The following GALR1 variants were observed in gnomAD, a reference collection of about 807,000 sequenced individuals.
GALR1 encodes galanin receptor type 1.
Under a neutral mutation model 17.9 loss-of-function variants are expected in GALR1, and 11 were observed. The observed-to-expected ratio is 0.62, with a 90% confidence interval of 0.39 to 1.02. The LOEUF (loss-of-function observed/expected upper bound fraction) is 1.02. Among genes scored for constraint, GALR1 ranks in the 50% least tolerant of loss-of-function variants. GALR1 has a pLI of 0.01. For synonymous variants in GALR1, 206 were observed against 205.7 expected, an observed-to-expected ratio of 1.00 and a Z score of -0.01; for missense variants, 441 against 456.9, an observed-to-expected ratio of 0.97 and a Z score of 0.32.
rs1348081132 is a variant in GALR1, at chr18:77,268,796, A to G, written c.944A>G (p.Lys315Arg). 2 of 1,613,922 alleles carry G rather than the reference A, an allele frequency of 1.2e-6. No homozygotes were observed. The highest frequency in any genetic ancestry group is 1.7e-5 in the Admixed American group (1 of 60,006). Residue 315 changes from lysine (K) to arginine (R), a missense_variant, in exon 3 of 3, where the codon AAA (lysine) becomes AGA (arginine). Transcript: ENST00000299727. ...TCTGAAAATTTCAGGAAGGCCTATA[A>G]ACAAGTGTTCAAGTGTCACATTCGC... is the stretch of plus-strand genomic sequence containing the variant. ...FLSENFRKAY[K>R]QVFKCHIRKD...
chr18:77,259,570 C>A (rs1218431628), intron 2 of GALR1, among the ~76,000 whole-genome samples: 1 of 118,500 alleles, frequency 8.4e-6, no homozygotes, highest in Non-Finnish European at 1.7e-5. Flanking sequence ...TGATGGTGGT[C>A]ATGGCAGTGA....
At chr18:77,259,317 A>C in intron 2 of GALR1, among the ~76,000 whole-genome samples, 2 of 105,200 alleles carry the variant, frequency 1.9e-5, no homozygotes, top group African/African-American at 3.6e-5. Context: ...GGTGGTGATG[A>C]TGGTGGTCAT....
In GALR1 at chr18:77,269,775, G is replaced by A. The variant is rs1362724812; in HGVS notation, c.*873G>A. On this transcript the variant is annotated 3_prime_UTR_variant, in exon 3 of 3. Transcript: ENST00000299727. ...AAAAGAGAGATGAAAAAAAATCAGC[G>A]AGGTTGATGTAGATAATAATTTCTA... The A allele has an allele frequency of 2.6e-5, 4 of 152,266 alleles. No homozygotes were observed. Among genetic ancestry groups the A allele is most frequent in the East Asian group, 3.9e-4 (2 of 5,186 alleles). 9.4% of individuals were successfully genotyped at this position (152,266 alleles called of 1,614,324 possible).
intron 1 of GALR1, 123 bp downstream of exon 1, chr18:77,251,337 A>T: frequency 2.1e-6 from 3 of 1,397,404 alleles, no homozygotes; most frequent in Non-Finnish European, 2.8e-6. Context: ...GGTGGTCCCC[A>T]CTCTGGCGGC....
chr18:77,265,526 C>A (rs1262294647), intron 2 of GALR1, among the ~76,000 whole-genome samples: 1 of 152,212 alleles, frequency 6.6e-6, no homozygotes, highest in Non-Finnish European at 1.5e-5. Context: ...TCTCACAGAT[C>A]CACTAGGTAA....
intron 2 of GALR1, among the ~76,000 whole-genome samples, chr18:77,267,618 T>C (rs891097136): frequency 6.6e-6 from 1 of 152,236 alleles, no homozygotes; most frequent in Non-Finnish European, 1.5e-5. Context: ...ACCAACTGAT[T>C]GGTTTGTATT....
intron 2 of GALR1, among the ~76,000 whole-genome samples, chr18:77,259,908 G>C (rs1395011635): frequency 6.6e-6 from 1 of 151,998 alleles, no homozygotes; most frequent in Non-Finnish European, 1.5e-5. Context: ...CTGAAGACAG[G>C]AACTGGGTTG....
intron 1 of GALR1, 84 bp downstream of exon 1, chr18:77,251,298 T>C: frequency 6.6e-7 from 1 of 1,506,254 alleles, no homozygotes. Flanking sequence ...CCCGCGGCCC[T>C]GCCGGAGCCT....
At chr18:77,258,722 A>ATGGTGGTGCTGGTGATGG (rs1912681249) in intron 2 of GALR1, among the ~76,000 whole-genome samples, 1 of 13,492 alleles carries the variant, frequency 7.4e-5, no homozygotes, top group Admixed American at 9.7e-4. Flanking sequence ...GGTGCTGGTG[A>ATGGTGGTGCTGGTGATGG]TGGTGGTGAT....
Position 77,249,980 on chromosome 18 carries a change from G to T in GALR1, c.-569G>T, listed in dbSNP as rs1192160030. 6.6e-6 allele frequency among the ~76,000 whole-genome samples: 1 copy of T among 152,228 alleles called. No homozygotes were observed. Among genetic ancestry groups the T allele is most frequent in the Non-Finnish European group, 1.5e-5 (1 of 68,042 alleles). On this transcript the variant is annotated 5_prime_UTR_variant, in exon 1 of 3. Coordinates refer to ENST00000299727, the MANE Select transcript of GALR1 (RefSeq NM_001480.4). ...GAAAAGCCGGGAGGGAGTCGGAGGC[G>T]CCAGCCCACTGGGGAGGTGGCGCTG... is the stretch of plus-strand genomic sequence containing the variant.
chr18:77,267,315 AGT>A (rs960257138), intron 2 of GALR1, among the ~76,000 whole-genome samples: 2 of 152,324 alleles, frequency 1.3e-5, no homozygotes, highest in East Asian at 3.9e-4. Context: ...TCAGCTGCCC[AGT>A]GCATGGGCTG....
In GALR1 at chr18:77,274,131, A is replaced by T. The variant is rs956254134; in HGVS notation, c.*5229A>T. On this transcript the variant is annotated 3_prime_UTR_variant, in exon 3 of 3. Transcript: ENST00000299727. ...CTATTTATGTGTCATCATTCCAAAG[A>T]CCATTGTGATCTATGAAGCTCCTTT... The T allele has an allele frequency of 6.6e-6, 1 of 152,058 alleles. No individual in the cohort carries two copies. Among genetic ancestry groups the T allele is most frequent in the African/African-American group, 2.4e-5 (1 of 41,398 alleles). The allele number at this position is 152,058 out of a possible 1,614,324, so 9.4% of individuals were successfully genotyped here.
chr18:77,251,023 A>G lies in GALR1; in HGVS notation c.475A>G (p.Ile159Val). The change falls in exon 1 of 3, where the codon ATC (isoleucine) becomes GTC (valine). Residue 159 changes from isoleucine (I) to valine (V), a missense_variant. Ile to Val is a conservative substitution (Grantham distance 29, BLOSUM62 3). Coordinates refer to ENST00000299727, the MANE Select transcript of GALR1 (RefSeq NM_001480.4). ...CAACGCGCTGCTGGGCGTGGGCTGC[A>G]TCTGGGCGCTGTCCATTGCCATGGC... ...SRNALLGVGC[I>V]WALSIAMASP... The G allele has an allele frequency of 6.2e-7, 1 of 1,605,698 alleles. No individual in the cohort carries two copies. Among genetic ancestry groups the G allele is most frequent in the Non-Finnish European group, 8.5e-7 (1 of 1,179,832 alleles).
chr18:77,258,458 A>G (rs1050650749), intron 2 of GALR1, among the ~76,000 whole-genome samples: 1 of 145,746 alleles, frequency 6.9e-6, no homozygotes, highest in Admixed American at 6.7e-5. Context: ...GGTGGTGATG[A>G]TGGTGGTGGT....
chr18:77,258,074 G>GA (rs1912631715), intron 2 of GALR1, among the ~76,000 whole-genome samples: 1 of 151,868 alleles, frequency 6.6e-6, no homozygotes, highest in African/African-American at 2.4e-5. Context: ...ACAAAATACT[G>GA]AAAAAATAGG....
In GALR1 at chr18:77,250,943, ACCGCTACGTGGC is replaced by A; in HGVS notation, c.397_408del (p.Arg133_Ala136del). 1 of 1,604,228 alleles carries A rather than the reference ACCGCTACGTGGC, an allele frequency of 6.2e-7. No homozygotes were observed. Reference sequence around the variant, plus strand: ...TTCACCCTGGCCGCGATGTCCGTGGACCGCTACGTGGCCATCGTGCACTCGCGGCGCTCCTCC... The same window carrying A: ...TTCACCCTGGCCGCGATGTCCGTGGACATCGTGCACTCGCGGCGCTCCTCC... On this transcript the variant is annotated inframe_deletion, in exon 1 of 3. Transcript: ENST00000299727.
chr18:77,251,768 G>T (rs1912423920), intron 1 of GALR1, among the ~76,000 whole-genome samples: 1 of 152,186 alleles, frequency 6.6e-6, no homozygotes, highest in Non-Finnish European at 1.5e-5. Flanking sequence ...GGACTCGCGG[G>T]GCGGCCCCTC....
chr18:77,258,577 T>C lies in GALR1; in HGVS notation c.732+2354T>C, dbSNP rs1274188463. Among the ~76,000 whole-genome samples the C allele has an allele frequency of 1.6e-4, 24 of 145,902 alleles. No individual in the cohort carries two copies. The East Asian group carries it at 2.0e-3, about 12-fold the overall frequency. On this transcript the variant is annotated intron_variant, in intron 2 of 2. Transcript: ENST00000299727. ...GTGGTGGTCATAGTGGGGGTGGTGG[T>C]GGTCATGGTGGTGATGGTGGTGGTC...
chr18:77,268,798 C>A lies in GALR1; in HGVS notation c.946C>A (p.Gln316Lys). ...LSENFRKAYK[Q>K]VFKCHIRKDS... ...TGAAAATTTCAGGAAGGCCTATAAA[C>A]AAGTGTTCAAGTGTCACATTCGCAA... The change falls in exon 3 of 3, where the codon CAA (glutamine) becomes AAA (lysine). Residue 316 changes from glutamine to lysine, a missense_variant. Transcript: ENST00000299727. 1 of 1,613,728 alleles carries A rather than the reference C, an allele frequency of 6.2e-7. No homozygotes were observed. Among genetic ancestry groups the A allele is most frequent in the Non-Finnish European group, 8.5e-7 (1 of 1,179,662 alleles).
Sources: allele counts gnomAD v4.1 joint callset (sites outside exome capture counted in the v4.1 genomes callset), GRCh38; gene constraint gnomAD v4.1.1; transcripts MANE v1.5; gene names NCBI Gene and HGNC (gene_info 2026-07-23, HGNC 2026-07-21).